ALK: variants seen among roughly 807,000 people sequenced by gnomAD.
The protein encoded by ALK is ALK receptor tyrosine kinase, also known as ALK tyrosine kinase receptor.
Under a neutral mutation model 163.1 loss-of-function variants are expected in ALK, and 74 were observed. The ratio of observed to expected loss-of-function variants is 0.45; its 90% CI spans 0.38 to 0.55. ALK has a LOEUF of 0.55. ALK is among the 20% of genes least tolerant of loss of function. The pLI is 0.00. For synonymous variants in ALK, 960 were observed against 843.2 expected (o/e 1.14, Z -2.40); for missense variants, 2,063 against 2,105.3 (o/e 0.98, Z 0.39).
At position 29,830,944 on chromosome 2, in the gene ALK, AAAGAAGAAGAAAAGAAGAAG is replaced by A. The variant is rs1219526505; in HGVS notation, c.667+89029_667+89048del. Reference sequence around the variant, plus strand: ...GAAGAAAAGAAGAAGAAGAAGAAGAAAAGAAGAAGAAAAGAAGAAGAAGAAGAAGAAGAAGAAGAAGAAGA... The same window carrying A: ...GAAGAAAAGAAGAAGAAGAAGAAGAAAAGAAGAAGAAGAAGAAGAAGAAGA... On this transcript the variant is annotated intron_variant, in intron 1 of 28. Transcript: ENST00000389048. Among the ~76,000 whole-genome samples, 61 of 47,604 alleles carry A rather than the reference AAAGAAGAAGAAAAGAAGAAG, an allele frequency of 1.3e-3. 1 individual carries two copies. The highest frequency in any genetic ancestry group is 4.7e-3 in the African/African-American group (55 of 11,736). The allele number at this position is 47,604 out of a possible 152,430, so 31.2% of individuals were successfully genotyped here.
intron 11 of ALK, among the ~76,000 whole-genome samples, chr2:29,262,762 G>A (rs761871326): frequency 1.3e-5 from 2 of 152,234 alleles, no homozygotes; most frequent in Non-Finnish European, 2.9e-5. Context: ...AGCTGGGGCT[G>A]TCTAGATAAA....
At chr2:29,413,760 T>C (rs1669794858) in intron 4 of ALK, among the ~76,000 whole-genome samples, 1 of 152,164 alleles carries the variant, frequency 6.6e-6, no homozygotes, top group Non-Finnish European at 1.5e-5. Flanking sequence ...CTCGAACTCC[T>C]GACCTCAGGT....
At chr2:29,407,765 G>T (rs1669620739) in intron 4 of ALK, among the ~76,000 whole-genome samples, 1 of 152,132 alleles carries the variant, frequency 6.6e-6, no homozygotes, top group Non-Finnish European at 1.5e-5. Flanking sequence ...AGCTTCCCAG[G>T]GCTATGCCCT....
rs888028409 is a variant in ALK, at chr2:29,193,830, C to T, written c.4257G>A (p.Glu1419=). ...GAGAGACCAGGAGAGGAGGAACCCC[C>T]TCAGGGTCCTTGGGCCTCACAGGCA... ...EKVPVRPKDP[E]GVPPLLVSQQ... Residue 1419 remains glutamate, a synonymous_variant, in exon 29 of 29, where the codon GAG becomes GAA. Coordinates refer to ENST00000389048, the MANE Select transcript of ALK (RefSeq NM_004304.5). 2.5e-6 allele frequency: 4 copies of T among 1,610,730 alleles called. No homozygotes were observed. The African/African-American group carries it at 4.0e-5, about 16-fold the overall frequency.
At chr2:29,680,665 A>C (rs1010939776) in intron 3 of ALK, among the ~76,000 whole-genome samples, 3 of 151,978 alleles carry the variant, frequency 2.0e-5, no homozygotes, top group African/African-American at 7.2e-5. Context: ...GCTACTTTTA[A>C]GGTTTTATTT....
intron 1 of ALK, among the ~76,000 whole-genome samples, chr2:29,805,317 T>G (rs1262109787): frequency 6.6e-6 from 1 of 152,198 alleles, no homozygotes; most frequent in Non-Finnish European, 1.5e-5. Flanking sequence ...TAATTTAAAG[T>G]TCTTGGATAC....
intron 1 of ALK, among the ~76,000 whole-genome samples, chr2:29,735,064 T>C (rs1339947309): frequency 6.6e-6 from 1 of 152,250 alleles, no homozygotes; most frequent in Non-Finnish European, 1.5e-5. Flanking sequence ...ATTGGTATTC[T>C]CGTTTTGCAT....
intron 1 of ALK, among the ~76,000 whole-genome samples, chr2:29,720,194 T>C (rs938712630): frequency 5.3e-5 from 8 of 151,622 alleles, no homozygotes; most frequent in African/African-American, 1.9e-4. Context: ...GGGGGCCAGA[T>C]AATATATTCA....
At chr2:29,553,728 A>G (rs543971555) in intron 3 of ALK, among the ~76,000 whole-genome samples, 1 of 152,362 alleles carries the variant, frequency 6.6e-6, no homozygotes, top group East Asian at 1.9e-4. Flanking sequence ...AATGCACGGC[A>G]GTACCTGTTT....
intron 3 of ALK, among the ~76,000 whole-genome samples, chr2:29,652,585 C>T (rs570705923): frequency 2.0e-5 from 3 of 152,234 alleles, no homozygotes; most frequent in East Asian, 1.9e-4. Flanking sequence ...GGGATTTGGT[C>T]ACTGGAAAGA....
Position 29,830,994 on chromosome 2 carries a change from GAAGAAGAA to G in ALK, c.667+88991_667+88998del, listed in dbSNP as rs1558508390. 4.3e-4 allele frequency among the ~76,000 whole-genome samples: 23 copies of G among 53,550 alleles called. 1 individual carries two copies. The highest frequency in any genetic ancestry group is 1.0e-3 in the South Asian group (1 of 996). 35.1% of individuals were successfully genotyped at this position (53,550 alleles called of 152,430 possible). ...AGAAGAAGAAGAAGAAGAAGAAGAA[GAAGAAGAA>G]GAAGAAGAAGGGGAAGAGGAAGGGG... On this transcript the variant is annotated intron_variant, in intron 1 of 28. Transcript: ENST00000389048.
intron 12 of ALK, among the ~76,000 whole-genome samples, chr2:29,249,678 T>A (rs1664767393): frequency 6.6e-6 from 1 of 152,216 alleles, no homozygotes; most frequent in Non-Finnish European, 1.5e-5. Flanking sequence ...ACCCACCCTA[T>A]GCTCATACAG....
intron 1 of ALK, among the ~76,000 whole-genome samples, chr2:29,719,926 G>A (rs1679375714): frequency 6.6e-6 from 1 of 152,188 alleles, no homozygotes; most frequent in East Asian, 1.9e-4. Context: ...CAATCTCCAT[G>A]TGAATAAAAA....
chr2:29,548,474 A>C (rs75539973), intron 3 of ALK, among the ~76,000 whole-genome samples: 1 of 147,742 alleles, frequency 6.8e-6, no homozygotes, highest in Non-Finnish European at 1.5e-5. Flanking sequence ...CTCGGTCTCA[A>C]AAAAAAAAAA....
chr2:29,452,122 C>T (rs978341157), intron 4 of ALK, among the ~76,000 whole-genome samples: 1 of 152,178 alleles, frequency 6.6e-6, no homozygotes, highest in Non-Finnish European at 1.5e-5. Flanking sequence ...CGTCCCCACT[C>T]TCTACCCCAC....
rs80279821 is a variant in ALK, at chr2:29,591,563, C to T, written c.953-59447G>A. On this transcript the variant is annotated intron_variant, in intron 3 of 28. Transcript: ENST00000389048. ...AACGTCAGAGGAGCCCAGGTGAAGG[C>T]TGGGCTCTGCCAGAATTTAAAGAGA... Among the ~76,000 whole-genome samples, 30 of 152,230 alleles carry T rather than the reference C, an allele frequency of 2.0e-4. 1 individual carries two copies. In the East Asian group the frequency reaches 5.8e-3, roughly 29 times the overall value.
intron 1 of ALK, among the ~76,000 whole-genome samples, chr2:29,912,695 T>A (rs1341891755): frequency 1.3e-5 from 2 of 151,914 alleles, no homozygotes; most frequent in South Asian, 2.1e-4. Context: ...ATATATATAT[T>A]TTATTTATAA....
At chr2:29,900,241 G>C (rs755508395) in intron 1 of ALK, among the ~76,000 whole-genome samples, 1 of 152,254 alleles carries the variant, frequency 6.6e-6, no homozygotes, top group Non-Finnish European at 1.5e-5. Context: ...AGAGAAAAGA[G>C]AGTAGAGAAT....
intron 4 of ALK, among the ~76,000 whole-genome samples, chr2:29,531,122 C>A (rs1573434168): frequency 6.6e-6 from 1 of 152,158 alleles, no homozygotes; most frequent in Non-Finnish European, 1.5e-5. Flanking sequence ...TAGAAGGAAG[C>A]CAAGTCTAAG....
Sources: allele counts gnomAD v4.1 joint callset (sites outside exome capture counted in the v4.1 genomes callset), GRCh38; gene constraint gnomAD v4.1.1; transcripts MANE v1.5; gene names NCBI Gene and HGNC (gene_info 2026-07-23, HGNC 2026-07-21).